Variants in SHQ1 observed in about 807,000 individuals in gnomAD.
The protein encoded by SHQ1 is SHQ1, H/ACA ribonucleoprotein assembly factor.
Under a neutral mutation model 53.8 loss-of-function variants are expected in SHQ1, and 49 were observed. The ratio of observed to expected loss-of-function variants is 0.91; its 90% CI spans 0.72 to 1.16. The LOEUF (loss-of-function observed/expected upper bound fraction) is 1.16. Among genes scored for constraint, SHQ1 ranks in the 50% most tolerant of loss-of-function variants. The probability of loss-of-function intolerance (pLI) is 0.00; values close to 1 mark genes in which losing one functional copy is unlikely to be tolerated. For synonymous variants in SHQ1, 243 were observed against 251.0 expected, an observed-to-expected ratio of 0.97 and a Z score of 0.30; for missense variants, 738 against 683.1, an observed-to-expected ratio of 1.08 and a Z score of -0.90.
intron 9 of SHQ1, among the ~76,000 whole-genome samples, chr3:72,801,909 T>C (rs1260709794): frequency 1.3e-5 from 2 of 152,238 alleles, no homozygotes; most frequent in East Asian, 1.9e-4. Context: ...AATAATCTTA[T>C]GCAGTTCTTA....
In SHQ1 at chr3:72,750,795, A is replaced by T. The variant is rs368285822; in HGVS notation, c.1223T>A (p.Val408Asp). ...LAALAEALKEVSLTKAQLGLE... is the reference protein window; with the variant it reads ...LAALAEALKEDSLTKAQLGLE... ...CCCCAGCTGGGCCTTTGTAAGGGAG[A>T]CTTCCTTTAAGGCTTCTGCAAGAGC... The change falls in exon 11 of 11, where the codon GTC (valine) becomes GAC (aspartate). Residue 408 changes from valine (V) to aspartate (D), a missense_variant. Transcript: ENST00000325599. 789 of 1,547,100 alleles carry T rather than the reference A, an allele frequency of 5.1e-4. 10 individuals are homozygous for T. In the South Asian group the frequency reaches 8.7e-3, roughly 17 times the overall value.
chr3:72,833,574 A>AGAATTT (rs1559696581), intron 4 of SHQ1, among the ~76,000 whole-genome samples: 10 of 135,220 alleles, frequency 7.4e-5, no homozygotes, highest in African/African-American at 2.6e-4. Context: ...GATAGATAGA[A>AGAATTT]TTTTTACGGG....
intron 10 of SHQ1, among the ~76,000 whole-genome samples, chr3:72,769,570 G>A (rs917914841): frequency 6.6e-6 from 1 of 152,102 alleles, no homozygotes; most frequent in Non-Finnish European, 1.5e-5. Context: ...CTTTCTTTCT[G>A]TGCCTGGTCA....
intron 10 of SHQ1, 58 bp downstream of exon 10, chr3:72,792,858 T>C (rs1183363429): frequency 5.3e-6 from 7 of 1,318,176 alleles, no homozygotes; most frequent in South Asian, 2.6e-5. Context: ...CCTGGGTAAA[T>C]AGGTATTTCA....
chr3:72,762,605 T>C (rs1324928362), intron 10 of SHQ1, among the ~76,000 whole-genome samples: 1 of 152,202 alleles, frequency 6.6e-6, no homozygotes, highest in African/African-American at 2.4e-5. Flanking sequence ...TCCCGTTCCA[T>C]ACGGGCTGCT....
intron 5 of SHQ1, among the ~76,000 whole-genome samples, chr3:72,828,942 A>G (rs1707749617): frequency 6.6e-6 from 1 of 152,030 alleles, no homozygotes; most frequent in Non-Finnish European, 1.5e-5. Context: ...TTCATGGTTG[A>G]TGGATCTGAA....
At chr3:72,838,935 A>T (rs1224952675) in intron 4 of SHQ1, among the ~76,000 whole-genome samples, 1 of 151,954 alleles carries the variant, frequency 6.6e-6, no homozygotes, top group Non-Finnish European at 1.5e-5. Context: ...ACATCCAAAA[A>T]GAAAGTATAG....
In SHQ1 at chr3:72,817,329, A is replaced by G. The variant is rs754758072; in HGVS notation, c.783T>C (p.Tyr261=). The G allele has an allele frequency of 6.2e-7, 1 of 1,613,532 alleles. No homozygotes were observed. The change falls in exon 7 of 11, where the codon TAT becomes TAC. Residue 261 remains tyrosine (Y), a synonymous_variant. Coordinates refer to ENST00000325599, the MANE Select transcript of SHQ1 (RefSeq NM_018130.3). The part of the protein sequence containing the change: ...YQLRKFVNKS[Y]LLDKRACRQV... ...GACGACAGGCTCTCTTGTCCAGCAG[A>G]TAAGATTTATTGACAAATTTTCGTA...
the SHQ1 span, among the ~76,000 whole-genome samples, chr3:72,738,435 G>A: frequency 0.21 from 31,869 of 152,000 alleles, 3,662 homozygotes; most frequent in Non-Finnish European, 0.25. Flanking sequence ...AATGTGCCCC[G>A]AGAGCCAGGT....
the SHQ1 span, among the ~76,000 whole-genome samples, chr3:72,727,618 C>G: frequency 6.6e-6 from 1 of 152,138 alleles, no homozygotes; most frequent in Non-Finnish European, 1.5e-5. Flanking sequence ...TTTTCAGAAG[C>G]GTTTTGTTTT....
chr3:72,836,246 T>C (rs1010332647), intron 4 of SHQ1, among the ~76,000 whole-genome samples: 6 of 152,254 alleles, frequency 3.9e-5, no homozygotes, highest in Admixed American at 1.3e-4. Flanking sequence ...TCCCAGCACT[T>C]TGGGAGGCCA....
chr3:72,833,491 TAGATAGATAGACAGACAGAC>T (rs1182158891), intron 4 of SHQ1, among the ~76,000 whole-genome samples: 2,125 of 96,220 alleles, frequency 0.022, 28 homozygotes, highest in African/African-American at 0.05. Context: ...GATAGATAGA[TAGATAGATAGACAGACAGAC>T]AGACAGATAG....
chr3:72,815,806 A>C (rs1707294667), intron 7 of SHQ1, among the ~76,000 whole-genome samples: 1 of 152,228 alleles, frequency 6.6e-6, no homozygotes, highest in Admixed American at 6.5e-5. Flanking sequence ...TGTGGCACTT[A>C]AGAAGCTGCT....
chr3:72,737,186 G>A, the SHQ1 span, among the ~76,000 whole-genome samples: 1 of 152,058 alleles, frequency 6.6e-6, no homozygotes, highest in East Asian at 1.9e-4. Context: ...ACTGAGGCAT[G>A]AGAATTGCTT....
intron 10 of SHQ1, among the ~76,000 whole-genome samples, chr3:72,783,363 C>CTTT (rs796866861): frequency 3.9e-5 from 5 of 129,128 alleles, no homozygotes; most frequent in African/African-American, 3.0e-5. Context: ...TTTTTATACA[C>CTTT]TTTTTTTTTT....
chr3:72,826,779 C>G lies in SHQ1; in HGVS notation c.600-2228G>C, dbSNP rs565954170. 3.9e-5 allele frequency among the ~76,000 whole-genome samples: 6 copies of G among 152,194 alleles called. No homozygotes were observed. The South Asian group carries it at 6.2e-4, about 16-fold the overall frequency. ...AAACTGGTTGGCGAAGGCTAGAAAA[C>G]AAGAAGGCACATTTAAGGGAAAAAA... On this transcript the variant is annotated intron_variant, in intron 5 of 10. Coordinates refer to ENST00000325599, the MANE Select transcript of SHQ1 (RefSeq NM_018130.3).
intron 10 of SHQ1, among the ~76,000 whole-genome samples, chr3:72,776,297 T>C (rs1233548041): frequency 2.0e-5 from 3 of 152,224 alleles, no homozygotes; most frequent in Admixed American, 6.5e-5. Context: ...TACTCTGATT[T>C]TACTGTACCT....
At chr3:72,735,677 G>A in the SHQ1 span, among the ~76,000 whole-genome samples, 4 of 145,694 alleles carry the variant, frequency 2.7e-5, no homozygotes, top group Non-Finnish European at 6.0e-5. Context: ...ACAAGTAACT[G>A]AACTCTGCCC....
intron 6 of SHQ1, among the ~76,000 whole-genome samples, chr3:72,821,596 T>C (rs958815484): frequency 1.3e-5 from 2 of 152,158 alleles, no homozygotes; most frequent in African/African-American, 4.8e-5. Flanking sequence ...TATTTTATGA[T>C]ACAGAATGAA....
Sources: gnomAD v4.1 joint callset for allele counts (sites outside exome capture counted in the v4.1 genomes callset) on GRCh38, gnomAD v4.1.1 for gene constraint, MANE v1.5 for transcripts, NCBI Gene and HGNC (gene_info 2026-07-23, HGNC 2026-07-21) for gene names.